The following RARS2 variants were observed in gnomAD, a reference collection of about 807,000 sequenced individuals.
The protein encoded by RARS2 is arginyl-tRNA synthetase 2, mitochondrial.
RARS2 carries 67 observed loss-of-function variants against 88.5 expected under a neutral mutation model. The observed-to-expected ratio is 0.76, with a 90% CI of 0.62 to 0.93. RARS2 has a LOEUF of 0.93. Among genes scored for constraint, RARS2 ranks in the 40% least tolerant of loss-of-function variants. The pLI is 0.00. For synonymous variants in RARS2, 239 were observed against 230.3 expected (o/e 1.04, Z -0.34); for missense variants, 664 against 684.2 (o/e 0.97, Z 0.33).
intron 1 of RARS2, among the ~76,000 whole-genome samples, chr6:87,583,484 G>C (rs538253556): frequency 3.3e-5 from 5 of 152,146 alleles, no homozygotes; most frequent in African/African-American, 1.2e-4. Flanking sequence ...AGCTACCTGG[G>C]AGGCTGAGGC....
At chr6:87,582,192 A>T (rs1773772242) in intron 1 of RARS2, among the ~76,000 whole-genome samples, 1 of 152,246 alleles carries the variant, frequency 6.6e-6, no homozygotes, top group South Asian at 2.1e-4. Flanking sequence ...ACTGTCTTCC[A>T]CAATGGCTGA....
At chr6:87,537,388 T>C (rs1779524924) in intron 8 of RARS2, among the ~76,000 whole-genome samples, 1 of 152,256 alleles carries the variant, frequency 6.6e-6, no homozygotes, top group Admixed American at 6.5e-5. Context: ...CCAGACTACC[T>C]GTGCCGGAAT....
At chr6:87,545,977 A>G (rs915343320) in intron 6 of RARS2, among the ~76,000 whole-genome samples, 1 of 152,134 alleles carries the variant, frequency 6.6e-6, no homozygotes, top group Non-Finnish European at 1.5e-5. Context: ...ATGTTAGAGT[A>G]ACTGCTATTC....
intron 11 of RARS2, among the ~76,000 whole-genome samples, chr6:87,524,168 T>C (rs1175364775): frequency 6.6e-6 from 1 of 152,150 alleles, no homozygotes; most frequent in Non-Finnish European, 1.5e-5. Context: ...AAGGTGCTGA[T>C]AAACCCACTT....
chr6:87,524,032 T>C (rs1675099743), intron 11 of RARS2, among the ~76,000 whole-genome samples: 1 of 151,858 alleles, frequency 6.6e-6, no homozygotes, highest in Non-Finnish European at 1.5e-5. Context: ...TGGTAGTTAA[T>C]ATAAAACAAC....
chr6:87,560,050 T>C (rs1354814062), intron 4 of RARS2, among the ~76,000 whole-genome samples: 3 of 152,356 alleles, frequency 2.0e-5, no homozygotes, highest in African/African-American at 4.8e-5. Flanking sequence ...GTACACTCTA[T>C]GATGTCCCAT....
rs774037751 is a variant in RARS2 at position 87,524,682 on chromosome 6, A to G, written c.879-30T>C. ...AAATTCGAAAAGGTAACTCTGAAGC[A>G]ACATAATAAATTCAGACCTTTAAAA... On this transcript the variant is annotated intron_variant, in intron 10 of 19. Coordinates refer to ENST00000369536, the MANE Select transcript of RARS2 (RefSeq NM_020320.5). 7 of 1,471,076 alleles carry G rather than the reference A, an allele frequency of 4.8e-6. No individual in the cohort carries two copies. In the Admixed American group the frequency reaches 8.4e-5, roughly 18 times the overall value. The allele number at this position is 1,471,076 out of a possible 1,614,324, so 91.1% of individuals were successfully genotyped here.
intron 1 of RARS2, chr6:87,584,656 A>G (rs888323509): frequency 4.4e-6 from 2 of 457,868 alleles, no homozygotes; most frequent in East Asian, 1.3e-4. Flanking sequence ...ATACAAATCT[A>G]CCCTCAAAAG....
chr6:87,578,471 A>G (rs922742092), intron 1 of RARS2, among the ~76,000 whole-genome samples: 1 of 151,918 alleles, frequency 6.6e-6, no homozygotes, highest in Non-Finnish European at 1.5e-5. Context: ...TTATTTTGCA[A>G]AAATGAGAAC....
chr6:87,549,440 A>C (rs1440878543), intron 5 of RARS2, among the ~76,000 whole-genome samples: 1 of 151,950 alleles, frequency 6.6e-6, no homozygotes, highest in Admixed American at 6.6e-5. Flanking sequence ...AGTCCTAGCT[A>C]CTTAGAAGGC....
At position 87,514,171 on chromosome 6, in the gene RARS2, C is replaced by T. The variant is rs552924173; in HGVS notation, c.*242G>A. Among the ~76,000 whole-genome samples the T allele has an allele frequency of 6.6e-6, 1 of 152,072 alleles. No homozygotes were observed. Among genetic ancestry groups the T allele is most frequent in the South Asian group, 2.1e-4 (1 of 4,808 alleles). On this transcript the variant is annotated 3_prime_UTR_variant, in exon 20 of 20. Transcript: ENST00000369536. ...TACTAAAAATACAAAATTAGCCTGG[C>T]GTGATGGCACGTGCCTGTAATCCCA...
chr6:87,561,323 T>A lies in RARS2; in HGVS notation c.297+1379A>T, dbSNP rs137875264. ...CTAGCTGCCTCACACATTATCTTCA[T>A]GTTACTGGCATTTGTGACACAAAGA... On this transcript the variant is annotated intron_variant, in intron 4 of 19. Transcript: ENST00000369536. Among the ~76,000 whole-genome samples the A allele has an allele frequency of 4.3e-3, 660 of 152,330 alleles. 3 individuals carry two copies. The highest frequency in any genetic ancestry group is 0.015 in the African/African-American group (616 of 41,570).
Position 87,518,919 on chromosome 6 carries a change from A to C in RARS2, c.1238-28T>G, listed in dbSNP as rs1293665780. On this transcript the variant is annotated intron_variant, in intron 14 of 19. Coordinates refer to ENST00000369536, the MANE Select transcript of RARS2 (RefSeq NM_020320.5). Reference sequence around the variant, plus strand: ...GAAACAGACAAAGGCAGCTATCTTTAGTCTACATGACACTGTGCCAATCAT... The same window carrying C: ...GAAACAGACAAAGGCAGCTATCTTTCGTCTACATGACACTGTGCCAATCAT... 5 of 1,605,168 alleles carry C rather than the reference A, an allele frequency of 3.1e-6. No individual in the cohort carries two copies. The East Asian group carries it at 1.1e-4, about 36-fold the overall frequency.
At position 87,569,926 on chromosome 6, in the gene RARS2, T is replaced by C. The variant is rs16879559; in HGVS notation, c.37-336A>G. 0.11 allele frequency among the ~76,000 whole-genome samples: 17,111 copies of C among 149,420 alleles called. 1,033 individuals carry two copies. Among genetic ancestry groups the C allele is most frequent in the East Asian group, 0.16 (792 of 5,066 alleles). ...AAAAAAAGTATGGCAAGAGAGGAGA[T>C]AAACCACTGAGAATCCACAGATAAT... On this transcript the variant is annotated intron_variant, in intron 1 of 19. Coordinates refer to ENST00000369536, the MANE Select transcript of RARS2 (RefSeq NM_020320.5).
intron 2 of RARS2, among the ~76,000 whole-genome samples, chr6:87,569,221 C>T (rs773749692): frequency 1.1e-4 from 16 of 152,152 alleles, no homozygotes; most frequent in Non-Finnish European, 1.9e-4. Flanking sequence ...TTTATTGTTA[C>T]AGAATTGAAT....
At chr6:87,519,461 T>A in intron 14 of RARS2, 122 bp downstream of exon 14, 1 of 1,131,436 alleles carries the variant, frequency 8.8e-7, no homozygotes, top group South Asian at 1.3e-5. Context: ...GAAAGGTATT[T>A]TTGACAAAGT....
At chr6:87,579,199 C>T (rs896986494) in intron 1 of RARS2, among the ~76,000 whole-genome samples, 1 of 152,118 alleles carries the variant, frequency 6.6e-6, no homozygotes, top group African/African-American at 2.4e-5. Context: ...TTAGTCACTA[C>T]ACCAGCAGTT....
chr6:87,527,679 T>C (rs1641914077), intron 10 of RARS2, among the ~76,000 whole-genome samples: 1 of 151,038 alleles, frequency 6.6e-6, no homozygotes, highest in Non-Finnish European at 1.5e-5. Flanking sequence ...AATGTGAAAA[T>C]ATATAAGGAA....
chr6:87,588,403 T>C (rs907757608), intron 1 of RARS2, among the ~76,000 whole-genome samples: 7 of 152,214 alleles, frequency 4.6e-5, no homozygotes, highest in African/African-American at 1.7e-4. Flanking sequence ...GGTCTCGCTC[T>C]GTCACCCACC....
Sources: allele counts gnomAD v4.1 joint callset (sites outside exome capture counted in the v4.1 genomes callset), GRCh38; gene constraint gnomAD v4.1.1; transcripts MANE v1.5; gene names NCBI Gene and HGNC (gene_info 2026-07-23, HGNC 2026-07-21).